Variants in OSBPL5 observed in about 807,000 individuals in gnomAD.
The protein encoded by OSBPL5 is oxysterol-binding protein-related protein 5.
In OSBPL5, 71 loss-of-function variants were observed where a neutral mutation model predicts 111.2. That is an observed-to-expected ratio of 0.64 (90% CI 0.53 to 0.78). OSBPL5 has a LOEUF of 0.78. OSBPL5 is among the 30% of genes least tolerant of loss of function. The probability of loss-of-function intolerance (pLI) is 0.00; values close to 1 mark genes in which losing one functional copy is unlikely to be tolerated. For synonymous variants in OSBPL5, 549 were observed against 513.9 expected, an observed-to-expected ratio of 1.07 and a Z score of -0.93; for missense variants, 1,210 against 1,189.3, an observed-to-expected ratio of 1.02 and a Z score of -0.26.
chr11:3,088,366 G>A lies in OSBPL5; in HGVS notation c.2502-23C>T, dbSNP rs187977790. The A allele has an allele frequency of 7.9e-5, 120 of 1,515,338 alleles. No homozygotes were observed. The African/African-American group carries it at 9.3e-4, about 12-fold the overall frequency. The allele number at this position is 1,515,338 out of a possible 1,614,324, so 93.9% of individuals were successfully genotyped here. ...TGCCTGCAAGGACAGGCGACAGATC[G>A]TGGGGGCTGTGCCAATGCCAGCAAG... On this transcript the variant is annotated intron_variant, in intron 21 of 21. Transcript: ENST00000263650.
Position 3,119,565 on chromosome 11 carries a change from C to G in OSBPL5, c.673G>C (p.Ala225Pro). Reference sequence around the variant, plus strand: ...GACTCACCATCTGACTCGGAGGCGGCCCTGAAGATCAGGTAGCTGCTGGGC... The same window carrying G: ...GACTCACCATCTGACTCGGAGGCGGGCCTGAAGATCAGGTAGCTGCTGGGC... ...PLPSSYLIFR[A>P]ASESDGRCWL... The change falls in exon 7 of 22, where the codon GCC becomes CCC. Residue 225 changes from alanine to proline, a missense_variant. Physicochemically the swap from Ala to Pro is conservative, Grantham distance 27. Coordinates refer to ENST00000263650, the MANE Select transcript of OSBPL5 (RefSeq NM_020896.4). 1 of 1,578,360 alleles carries G rather than the reference C, an allele frequency of 6.3e-7. No homozygotes were observed. The highest frequency in any genetic ancestry group is 8.6e-7 in the Non-Finnish European group (1 of 1,166,620).
At chr11:3,152,668 G>A (rs1405514933) in intron 1 of OSBPL5, among the ~76,000 whole-genome samples, 2 of 152,218 alleles carry the variant, frequency 1.3e-5, no homozygotes, top group Non-Finnish European at 2.9e-5. Context: ...TCCTGAAAGG[G>A]CACCTAAGCG....
In OSBPL5 at chr11:3,154,048, G is replaced by A. The variant is rs1426104257; in HGVS notation, c.-22+11168C>T. 2.0e-5 allele frequency among the ~76,000 whole-genome samples: 3 copies of A among 152,208 alleles called. No individual in the cohort carries two copies. The highest frequency in any genetic ancestry group is 4.4e-5 in the Non-Finnish European group (3 of 68,038). On this transcript the variant is annotated intron_variant, in intron 1 of 21. Coordinates refer to ENST00000263650, the MANE Select transcript of OSBPL5 (RefSeq NM_020896.4). The surrounding 1 kb of genome is among the most constrained non-coding windows in gnomAD (Gnocchi z 4.9). ...GGCCCGCAGCCCCCAAGGAAGGTCT[G>A]TGCCCGGGAAACACATGGCATTCAA...
intron 21 of OSBPL5, 129 bp from the exon 22 acceptor site, chr11:3,088,472 C>T (rs1590624527): frequency 9.1e-7 from 1 of 1,098,154 alleles, no homozygotes; most frequent in East Asian, 3.2e-5. Flanking sequence ...ATGGGATGGC[C>T]CTCCAGGGGC....
chr11:3,100,246 C>G lies in OSBPL5; in HGVS notation c.1533G>C (p.Leu511=), dbSNP rs778263624. ...TAKSRFYGNS[L]SALLDGKATL... ...TGGCTTTGCCGTCCAGCAGCGCCGA[C>G]AGCGAGTTCCCTGCAGAGACAAGAG... Residue 511 remains leucine, a synonymous_variant, in exon 14 of 22, where the codon CTG becomes CTC. Coordinates refer to ENST00000263650, the MANE Select transcript of OSBPL5 (RefSeq NM_020896.4). 1.2e-6 allele frequency: 2 copies of G among 1,614,024 alleles called. No homozygotes were observed. Among genetic ancestry groups the G allele is most frequent in the African/African-American group, 1.3e-5 (1 of 75,028 alleles).
At chr11:3,100,510 A>G (rs1857415282) in intron 13 of OSBPL5, among the ~76,000 whole-genome samples, 1 of 152,232 alleles carries the variant, frequency 6.6e-6, no homozygotes, top group Admixed American at 6.5e-5. Context: ...TTGCAGTCGC[A>G]AAACTGCAGA....
Position 3,090,559 on chromosome 11 carries a change from A to G in OSBPL5, c.2397T>C (p.Pro799=). 1 of 1,612,348 alleles carries G rather than the reference A, an allele frequency of 6.2e-7. No individual in the cohort carries two copies. Among genetic ancestry groups the G allele is most frequent in the Non-Finnish European group, 8.5e-7 (1 of 1,179,470 alleles). Residue 799 remains proline (P), a splice_region_variant and synonymous_variant, in exon 20 of 22, where the codon CCT becomes CCC. Coordinates refer to ENST00000263650, the MANE Select transcript of OSBPL5 (RefSeq NM_020896.4). ...GGGGCTGGGCCCAAGGGGGCTCACC[A>G]GGGACAAAGTCACCATCCTGCTCCT... is the stretch of plus-strand genomic sequence containing the variant. ...SDEEQDGDFV[P]GGESPCPRCR...
intron 1 of OSBPL5, among the ~76,000 whole-genome samples, chr11:3,137,584 G>A (rs1437238792): frequency 1.3e-5 from 2 of 152,174 alleles, no homozygotes; most frequent in African/African-American, 2.4e-5. Flanking sequence ...AGCCTGAGGC[G>A]GGTGGATCGC....
chr11:3,164,636 G>A (rs112814700), intron 1 of OSBPL5, among the ~76,000 whole-genome samples: 31 of 152,318 alleles, frequency 2.0e-4, no homozygotes, highest in African/African-American at 6.7e-4. Context: ...AGAGATGGGG[G>A]CTGTGGGCAA....
intron 1 of OSBPL5, among the ~76,000 whole-genome samples, chr11:3,144,821 C>G (rs976630755): frequency 3.3e-5 from 5 of 152,266 alleles, no homozygotes; most frequent in African/African-American, 9.6e-5. Flanking sequence ...CAGGGCAGCT[C>G]ATTCCCCAGG....
chr11:3,161,389 G>A lies in OSBPL5; in HGVS notation c.-22+3827C>T, dbSNP rs1428859218. On this transcript the variant is annotated intron_variant, in intron 1 of 21. Transcript: ENST00000263650. The surrounding 1 kb of genome is among the most constrained non-coding windows in gnomAD (Gnocchi z 8.0). ...GTCCTTCCCATCCTAGAGCATGGAG[G>A]AAATGAGCTGGTCACGTCCCACACC... is the stretch of plus-strand genomic sequence containing the variant. 1 of 152,236 alleles carries A rather than the reference G, an allele frequency of 6.6e-6. No individual in the cohort carries two copies. Among genetic ancestry groups the A allele is most frequent in the Non-Finnish European group, 1.5e-5 (1 of 68,060 alleles). The allele number at this position is 152,236 out of a possible 1,614,324, so 9.4% of individuals were successfully genotyped here.
intron 1 of OSBPL5, among the ~76,000 whole-genome samples, chr11:3,134,570 G>A (rs1384779279): frequency 1.3e-5 from 2 of 152,226 alleles, no homozygotes; most frequent in African/African-American, 2.4e-5. Context: ...CTGCCCAGCC[G>A]CTCTTCTCAG....
At chr11:3,163,637 A>G (rs1847030426) in intron 1 of OSBPL5, among the ~76,000 whole-genome samples, 1 of 152,220 alleles carries the variant, frequency 6.6e-6, no homozygotes, top group Non-Finnish European at 1.5e-5. Flanking sequence ...CCTCCACTGG[A>G]CATGCAGGAT....
intron 7 of OSBPL5, among the ~76,000 whole-genome samples, chr11:3,112,075 ATG>A (rs137958534): frequency 0.15 from 20,829 of 136,784 alleles, 1,845 homozygotes; most frequent in Non-Finnish European, 0.2. Context: ...GTGTGTGTGC[ATG>A]TGTGTGTGCA....
chr11:3,113,515 T>C lies in OSBPL5; in HGVS notation c.692-5570A>G, dbSNP rs1449090935. ...ACTAAAAATACAAAAATTAGCCAGG[T>C]GTGTTGGCAGGCACCTGTAATCCCA... On this transcript the variant is annotated intron_variant, in intron 7 of 21. Transcript: ENST00000263650. This position sits in a 1 kb window ranked among gnomAD's most constrained non-coding sequence, Gnocchi z 4.8. 6.6e-6 allele frequency among the ~76,000 whole-genome samples: 1 copy of C among 151,926 alleles called. No homozygotes were observed. Among genetic ancestry groups the C allele is most frequent in the Non-Finnish European group, 1.5e-5 (1 of 67,990 alleles).
At chr11:3,124,070 G>A (rs111710554) in intron 3 of OSBPL5, among the ~76,000 whole-genome samples, 3,180 of 152,210 alleles carry the variant, frequency 0.021, 45 homozygotes, top group Non-Finnish European at 0.029. Context: ...GCGGTTCTGC[G>A]TTCTGTGCAT....
Position 3,104,395 on chromosome 11 carries a change from C to T in OSBPL5, c.1060-18G>A. The T allele has an allele frequency of 1.2e-6, 2 of 1,603,418 alleles. No homozygotes were observed. The highest frequency in any genetic ancestry group is 1.1e-5 in the South Asian group (1 of 90,762). On this transcript the variant is annotated intron_variant, in intron 9 of 21. Transcript: ENST00000263650. The surrounding 1 kb of genome is among the most constrained non-coding windows in gnomAD (Gnocchi z 5.0). ...TCGCCCAGCTGCAGCAGACAGGCTG[C>T]AGTCAGGCCCTGCCCGGAAGAGCCG...
chr11:3,094,428 T>C, intron 14 of OSBPL5, 94 bp from the exon 15 acceptor site: 1 of 955,652 alleles, frequency 1.0e-6, no homozygotes, highest in Non-Finnish European at 1.6e-6. Flanking sequence ...GATCCCTGAG[T>C]CCCGACCCAG....
At chr11:3,103,359 G>A (rs920678653) in intron 10 of OSBPL5, 39 bp from the exon 11 acceptor site, 5 of 1,548,010 alleles carry the variant, frequency 3.2e-6, no homozygotes, top group Non-Finnish European at 4.4e-6. Context: ...CAGCTCCGGG[G>A]GCCGTGGGCC....
Sources: gnomAD v4.1 joint callset for allele counts (sites outside exome capture counted in the v4.1 genomes callset) on GRCh38, gnomAD v4.1.1 for gene constraint, Gnocchi (gnomAD v3.1) non-coding constraint, MANE v1.5 for transcripts, NCBI Gene and HGNC (gene_info 2026-07-23, HGNC 2026-07-21) for gene names.